The following CADM2 variants were observed in gnomAD, a reference collection of about 807,000 sequenced individuals.
CADM2 encodes immunoglobulin superfamily member 4D.
A neutral mutation model predicts 49.8 loss-of-function variants in CADM2; 12 were observed. The observed-to-expected ratio is 0.24, with a 90% CI of 0.15 to 0.39. The LOEUF is 0.39. Among genes scored for constraint, CADM2 ranks in the 10% least tolerant of loss-of-function variants. The pLI is 1.00. For missense variants in CADM2, 378 were observed against 492.3 expected, an observed-to-expected ratio of 0.77 and a Z score of 2.20; for synonymous variants, 214 against 175.4, an observed-to-expected ratio of 1.22 and a Z score of -1.74.
chr3:85,845,360 G>A (rs1338787160), intron 3 of CADM2, among the ~76,000 whole-genome samples: 2 of 151,970 alleles, frequency 1.3e-5, no homozygotes, highest in Admixed American at 6.6e-5. Flanking sequence ...ACCAACTCAC[G>A]GGGAAGGTCT....
intron 1 of CADM2, among the ~76,000 whole-genome samples, chr3:85,705,343 T>C (rs758704868): frequency 2.0e-5 from 3 of 152,120 alleles, no homozygotes; most frequent in Non-Finnish European, 2.9e-5. Context: ...ATTCTACAAG[T>C]CAGGTACTGT....
chr3:85,020,720 C>T (rs953291777), intron 1 of CADM2, among the ~76,000 whole-genome samples: 1 of 151,058 alleles, frequency 6.6e-6, no homozygotes, highest in Non-Finnish European at 1.5e-5. Flanking sequence ...GTGTATAAAT[C>T]AGATATATGT....
chr3:85,688,712 C>T (rs1267250097), intron 1 of CADM2, among the ~76,000 whole-genome samples: 1 of 151,982 alleles, frequency 6.6e-6, no homozygotes, highest in African/African-American at 2.4e-5. Context: ...AGATTACAGG[C>T]ACCCACCACC....
chr3:85,397,135 G>T (rs758059263), intron 1 of CADM2, among the ~76,000 whole-genome samples: 5 of 151,976 alleles, frequency 3.3e-5, no homozygotes, highest in Non-Finnish European at 7.4e-5. Context: ...TAAACAAGTG[G>T]CCAGTAAACA....
At chr3:85,704,084 G>A (rs1280892294) in intron 1 of CADM2, among the ~76,000 whole-genome samples, 2 of 152,130 alleles carry the variant, frequency 1.3e-5, no homozygotes, top group Admixed American at 6.5e-5. Context: ...CACCTTAGAT[G>A]ACTCAATACT....
intron 3 of CADM2, among the ~76,000 whole-genome samples, chr3:85,882,314 T>G (rs1487395672): frequency 6.6e-6 from 1 of 152,036 alleles, no homozygotes; most frequent in Non-Finnish European, 1.5e-5. Context: ...CCTACTTCAT[T>G]CTCCTTGCAG....
intron 1 of CADM2, among the ~76,000 whole-genome samples, chr3:85,725,287 A>T (rs1392157870): frequency 2.0e-5 from 3 of 151,962 alleles, no homozygotes; most frequent in African/African-American, 7.2e-5. Context: ...ATCTGTAAGT[A>T]GCCTGGTATG....
intron 3 of CADM2, among the ~76,000 whole-genome samples, chr3:85,875,228 G>C (rs1036996448): frequency 6.6e-6 from 1 of 152,038 alleles, no homozygotes; most frequent in African/African-American, 2.4e-5. Context: ...TATTCTGTCT[G>C]TAATACAAAT....
At chr3:85,729,725 C>G in intron 2 of CADM2, among the ~76,000 whole-genome samples, 1 of 152,276 alleles carries the variant, frequency 6.6e-6, no homozygotes, top group Non-Finnish European at 1.5e-5. Flanking sequence ...TTTATCTTTA[C>G]TCTCTGGGTC....
At chr3:85,641,804 G>A (rs886113255) in intron 1 of CADM2, among the ~76,000 whole-genome samples, 6 of 151,532 alleles carry the variant, frequency 4.0e-5, no homozygotes, top group Non-Finnish European at 7.4e-5. Context: ...GGTGGCAGGC[G>A]CCTGTAGTCC....
chr3:85,507,545 T>C (rs536526904), intron 1 of CADM2, among the ~76,000 whole-genome samples: 1 of 152,318 alleles, frequency 6.6e-6, no homozygotes, highest in South Asian at 2.1e-4. Context: ...ATTATTTATA[T>C]CCAAACATTA....
chr3:85,676,789 C>G (rs1010176498), intron 1 of CADM2, among the ~76,000 whole-genome samples: 1 of 152,074 alleles, frequency 6.6e-6, no homozygotes, highest in East Asian at 1.9e-4. Context: ...TAGACATTCC[C>G]AGTTGCTTTA....
chr3:85,879,737 G>A (rs544677578), intron 3 of CADM2, among the ~76,000 whole-genome samples: 3 of 152,088 alleles, frequency 2.0e-5, no homozygotes, highest in African/African-American at 7.2e-5. Context: ...TTTCACCCAA[G>A]GAACAGCTGT....
At chr3:85,325,868 G>A (rs978320744) in intron 1 of CADM2, among the ~76,000 whole-genome samples, 7 of 152,010 alleles carry the variant, frequency 4.6e-5, no homozygotes, top group African/African-American at 1.7e-4. Context: ...CAGAAAATGA[G>A]TAAAATTCTT....
intron 1 of CADM2, among the ~76,000 whole-genome samples, chr3:85,564,423 A>G (rs1576814498): frequency 6.6e-6 from 1 of 152,116 alleles, no homozygotes; most frequent in African/African-American, 2.4e-5. Context: ...GGGTATTTAT[A>G]TGGCTCATCA....
At chr3:85,668,030 A>G (rs906277680) in intron 1 of CADM2, among the ~76,000 whole-genome samples, 6 of 152,180 alleles carry the variant, frequency 3.9e-5, no homozygotes, top group Non-Finnish European at 7.4e-5. Context: ...GTAGACCTTC[A>G]ACAAACGTTG....
intron 2 of CADM2, among the ~76,000 whole-genome samples, chr3:85,791,646 G>A (rs907040852): frequency 1.3e-5 from 2 of 151,844 alleles, no homozygotes; most frequent in Non-Finnish European, 2.9e-5. Context: ...TTAAAGAATA[G>A]TAGGCTAGCA....
At chr3:85,591,082 G>T (rs911401870) in intron 1 of CADM2, among the ~76,000 whole-genome samples, 1 of 151,964 alleles carries the variant, frequency 6.6e-6, no homozygotes, top group African/African-American at 2.4e-5. Context: ...TAATATTTCA[G>T]TGTAAGTGAC....
chr3:85,928,897 G>A (rs1272040092), intron 6 of CADM2, among the ~76,000 whole-genome samples: 1 of 151,772 alleles, frequency 6.6e-6, no homozygotes, highest in Non-Finnish European at 1.5e-5. Context: ...CTCAAAATGT[G>A]GATATATTAC....
Sources: gnomAD v4.1 joint callset for allele counts (sites outside exome capture counted in the v4.1 genomes callset) on GRCh38, gnomAD v4.1.1 for gene constraint, MANE v1.5 for transcripts, NCBI Gene and HGNC (gene_info 2026-07-23, HGNC 2026-07-21) for gene names.